The following NME9 variants were observed in gnomAD, a reference collection of about 807,000 sequenced individuals.
NME9 encodes the protein NME/NM23 family member 9.
A neutral mutation model predicts 44.4 loss-of-function variants in NME9; 48 were observed. The observed-to-expected ratio is 1.08, with a 90% CI of 0.86 to 1.37. The LOEUF is 1.37. NME9 is among the 40% of genes most tolerant of loss of function. NME9 has a pLI of 0.00. For missense variants in NME9, 325 were observed against 405.2 expected (o/e 0.80, Z 1.70); for synonymous variants, 139 against 147.1 (o/e 0.94, Z 0.40).
At chr3:138,275,665 G>T (rs2049220049) in intron 8 of NME9, among the ~76,000 whole-genome samples, 1 of 152,136 alleles carries the variant, frequency 6.6e-6, no homozygotes. Context: ...CTAACTTCAG[G>T]GGCTGTGCTT....
At chr3:138,282,914 T>C (rs1336659040) in intron 8 of NME9, among the ~76,000 whole-genome samples, 1 of 152,192 alleles carries the variant, frequency 6.6e-6, no homozygotes, top group Non-Finnish European at 1.5e-5. Context: ...AGAGTATTGT[T>C]CCTACCAAGA....
At chr3:138,289,798 A>G (rs1261297310) in intron 8 of NME9, among the ~76,000 whole-genome samples, 2 of 152,130 alleles carry the variant, frequency 1.3e-5, no homozygotes, top group Non-Finnish European at 2.9e-5. Context: ...CACCTGGGGA[A>G]GTTTTTAAAG....
Position 138,320,909 on chromosome 3 carries a change from A to T in NME9, c.92-1328T>A, listed in dbSNP as rs148154667. On this transcript the variant is annotated intron_variant, in intron 2 of 10. Transcript: ENST00000333911. ...CTGAATCACTAGGCAATGAGGATTC[A>T]CAGTAAGTATTAGAAGAGGGAGCTA... 4.6e-3 allele frequency among the ~76,000 whole-genome samples: 700 copies of T among 152,362 alleles called. 6 individuals carry two copies. The highest frequency in any genetic ancestry group is 8.6e-3 in the Non-Finnish European group (585 of 68,032).
Position 138,303,567 on chromosome 3 carries a change from C to G in NME9, c.868G>C (p.Glu290Gln). ...GSRDREDADR[E>Q]LALLFPSLKF... ...AAACTGGGGAAGAGCAATGCCAGTT[C>G]TCTGTCAGCATCTTCTCTGTCCCGG... The change falls in exon 10 of 11, where the codon GAA becomes CAA. Residue 290 changes from glutamate to glutamine, a missense_variant. Glu to Gln is a conservative substitution (Grantham distance 29, BLOSUM62 2). Transcript: ENST00000333911. 3 of 1,613,576 alleles carry G rather than the reference C, an allele frequency of 1.9e-6. No homozygotes were observed. Among genetic ancestry groups the G allele is most frequent in the African/African-American group, 2.7e-5 (2 of 75,042 alleles).
At chr3:138,307,118 C>T (rs1187441906) in intron 6 of NME9, among the ~76,000 whole-genome samples, 1 of 152,216 alleles carries the variant, frequency 6.6e-6, no homozygotes, top group Non-Finnish European at 1.5e-5. Flanking sequence ...TTTCAGTAGT[C>T]TGTCTCCGTT....
At chr3:138,274,929 C>A (rs951335480) in intron 8 of NME9, among the ~76,000 whole-genome samples, 2 of 152,190 alleles carry the variant, frequency 1.3e-5, no homozygotes, top group African/African-American at 4.8e-5. Context: ...TCCTGCGACT[C>A]GCTGATAAAA....
At chr3:138,321,286 A>G (rs555296426) in intron 2 of NME9, among the ~76,000 whole-genome samples, 69 of 152,378 alleles carry the variant, frequency 4.5e-4, no homozygotes, top group African/African-American at 1.5e-3. Flanking sequence ...TCTGGAGGCT[A>G]GCAAGTCCAA....
intron 1 of NME9, among the ~76,000 whole-genome samples, chr3:138,326,855 T>C (rs966692866): frequency 4.0e-5 from 6 of 151,744 alleles, no homozygotes; most frequent in African/African-American, 1.5e-4. Context: ...AAAAGTTCCT[T>C]TTTTGGCCGA....
At chr3:138,269,228 T>A (rs186542179) in intron 8 of NME9, among the ~76,000 whole-genome samples, 169 of 152,356 alleles carry the variant, frequency 1.1e-3, no homozygotes, top group African/African-American at 4.0e-3. Flanking sequence ...AGTTGAGAAA[T>A]GTATACCCCT....
intron 2 of NME9, among the ~76,000 whole-genome samples, chr3:138,321,328 T>TAAGG (rs2053450374): frequency 6.6e-6 from 1 of 152,314 alleles, no homozygotes; most frequent in East Asian, 1.9e-4. Context: ...GGTGGTCAGG[T>TAAGG]AAGGGCTGCA....
At chr3:138,313,953 C>G (rs1157590283) in intron 6 of NME9, among the ~76,000 whole-genome samples, 1 of 152,144 alleles carries the variant, frequency 6.6e-6, no homozygotes, top group African/African-American at 2.4e-5. Context: ...TAGGTACAAT[C>G]TACAGATAGA....
chr3:138,268,905 T>C, intron 8 of NME9, among the ~76,000 whole-genome samples: 2 of 152,376 alleles, frequency 1.3e-5, no homozygotes, highest in Middle Eastern at 6.8e-3. Context: ...AGTATTATTT[T>C]AATTTATTAT....
At chr3:138,311,031 C>T (rs573072346) in intron 6 of NME9, among the ~76,000 whole-genome samples, 1 of 151,692 alleles carries the variant, frequency 6.6e-6, no homozygotes, top group East Asian at 1.9e-4. Flanking sequence ...AAGAGATGAC[C>T]CAAATAAAAT....
At chr3:138,315,040 T>C (rs1194348742) in intron 5 of NME9, among the ~76,000 whole-genome samples, 3 of 152,210 alleles carry the variant, frequency 2.0e-5, no homozygotes, top group African/African-American at 4.8e-5. Flanking sequence ...ATGGAAATAA[T>C]GTATCAAAAT....
chr3:138,325,600 G>T (rs1313000186), intron 1 of NME9, among the ~76,000 whole-genome samples: 1 of 151,848 alleles, frequency 6.6e-6, no homozygotes, highest in Non-Finnish European at 1.5e-5. Flanking sequence ...TTGAGACGGG[G>T]TTCCACCATG....
chr3:138,296,485 T>A (rs1386559278), downstream of NME9: 1 of 152,092 alleles, frequency 6.6e-6, no homozygotes, highest in African/African-American at 2.4e-5. Context: ...GATGAATATT[T>A]GTAAGTAAAA....
At chr3:138,312,866 G>A (rs2052795353) in intron 6 of NME9, among the ~76,000 whole-genome samples, 1 of 152,114 alleles carries the variant, frequency 6.6e-6, no homozygotes. Flanking sequence ...TCCGACAAGG[G>A]ATTAATAACC....
chr3:138,271,869 C>T (rs1045394265), intron 8 of NME9, among the ~76,000 whole-genome samples: 2 of 149,546 alleles, frequency 1.3e-5, no homozygotes, highest in Non-Finnish European at 2.9e-5. Context: ...AATCTCAGCT[C>T]ACTGCAACCT....
chr3:138,301,091 T>G lies in NME9; in HGVS notation c.*549A>C, dbSNP rs2051814123. On this transcript the variant is annotated 3_prime_UTR_variant, in exon 11 of 11. Transcript: ENST00000333911. Reference sequence around the variant, plus strand: ...GACACTTATATCTCACAACAGGATGTAATAACTGATGTTCAATTATTTTGT... The same window carrying G: ...GACACTTATATCTCACAACAGGATGGAATAACTGATGTTCAATTATTTTGT... 2.1e-6 allele frequency: 2 copies of G among 967,742 alleles called. No individual in the cohort carries two copies. The highest frequency in any genetic ancestry group is 3.5e-5 in the African/African-American group (2 of 57,046). The allele number at this position is 967,742 out of a possible 1,614,324, so 59.9% of individuals were successfully genotyped here. A position where few individuals can be genotyped will look rare whatever the true frequency, so the allele number is the denominator to read the frequency against.
Sources: allele counts gnomAD v4.1 joint callset (sites outside exome capture counted in the v4.1 genomes callset), GRCh38; gene constraint gnomAD v4.1.1; transcripts MANE v1.5; gene names NCBI Gene and HGNC (gene_info 2026-07-23, HGNC 2026-07-21).